The following PNPT1 variants were observed in gnomAD, a reference collection of about 807,000 sequenced individuals.
PNPT1 encodes polyribonucleotide nucleotidyltransferase 1, also known as polyribonucleotide nucleotidyltransferase 1, mitochondrial.
Under a neutral mutation model 119.5 loss-of-function variants are expected in PNPT1, and 53 were observed. The ratio of observed to expected loss-of-function variants is 0.44; its 90% CI spans 0.36 to 0.56. The LOEUF is 0.56. Among genes scored for constraint, PNPT1 ranks in the 20% least tolerant of loss-of-function variants. PNPT1 has a pLI of 0.00. For synonymous variants in PNPT1, 357 were observed against 322.1 expected, an observed-to-expected ratio of 1.11 and a Z score of -1.16; for missense variants, 948 against 938.5, an observed-to-expected ratio of 1.01 and a Z score of -0.13.
chr2:55,674,445 T>C (rs1456261993), intron 8 of PNPT1, among the ~76,000 whole-genome samples: 1 of 151,892 alleles, frequency 6.6e-6, no homozygotes, highest in African/African-American at 2.4e-5. Context: ...ATGAAAGAAT[T>C]AGCCAGGCAT....
intron 12 of PNPT1, among the ~76,000 whole-genome samples, chr2:55,667,472 T>C (rs997379810): frequency 7.9e-5 from 12 of 151,926 alleles, no homozygotes; most frequent in Non-Finnish European, 1.8e-4. Flanking sequence ...TGGGCACCTG[T>C]AGTCCCAGCT....
intron 18 of PNPT1, among the ~76,000 whole-genome samples, chr2:55,651,800 A>G (rs1246338740): frequency 6.6e-6 from 1 of 151,506 alleles, no homozygotes; most frequent in African/African-American, 2.4e-5. Flanking sequence ...TTAAAAAAAA[A>G]AAATCCTATT....
intron 8 of PNPT1, among the ~76,000 whole-genome samples, chr2:55,676,216 G>A (rs1166167309): frequency 1.6e-5 from 2 of 126,698 alleles, no homozygotes; most frequent in African/African-American, 6.3e-5. Context: ...CCGAGATTGC[G>A]CCACTGCACT....
intron 26 of PNPT1, 108 bp from the exon 27 acceptor site, chr2:55,637,707 CAGTT>C (rs890370055): frequency 7.2e-5 from 71 of 986,120 alleles, no homozygotes; most frequent in African/African-American, 2.6e-4. Context: ...TTAAAAAAAT[CAGTT>C]AGCGGCTGGG....
intron 20 of PNPT1, 42 bp from the exon 21 acceptor site, chr2:55,646,364 T>C (rs1371394506): frequency 5.1e-5 from 82 of 1,598,236 alleles, no homozygotes; most frequent in Non-Finnish European, 6.4e-5. Flanking sequence ...TATTGACTCA[T>C]GGCATTATTT....
At chr2:55,652,714 G>A (rs1696251525) in intron 18 of PNPT1, among the ~76,000 whole-genome samples, 1 of 152,150 alleles carries the variant, frequency 6.6e-6, no homozygotes, top group African/African-American at 2.4e-5. Context: ...AAACCGTAAA[G>A]CTGAATTATA....
chr2:55,663,666 G>T (rs1364997176), intron 13 of PNPT1, among the ~76,000 whole-genome samples: 1 of 152,102 alleles, frequency 6.6e-6, no homozygotes, highest in African/African-American at 2.4e-5. Context: ...CTTTTCATCA[G>T]AAAAACATGG....
In PNPT1 at chr2:55,642,829, A is replaced by T. The variant is rs548503951; in HGVS notation, c.2069+329T>A. 3.9e-5 allele frequency among the ~76,000 whole-genome samples: 6 copies of T among 151,956 alleles called. No individual in the cohort carries two copies. The South Asian group carries it at 6.2e-4, about 16-fold the overall frequency. ...TATAATAGGAATCTGTTAAAAACCA[A>T]AACAGGGCTGGGCACGGTGGCTCAT... is the stretch of plus-strand genomic sequence containing the variant. On this transcript the variant is annotated intron_variant, in intron 25 of 27. Transcript: ENST00000447944.
intron 1 of PNPT1, among the ~76,000 whole-genome samples, chr2:55,688,564 A>T: frequency 6.6e-6 from 1 of 152,062 alleles, no homozygotes; most frequent in Non-Finnish European, 1.5e-5. Flanking sequence ...ATCTCTACAA[A>T]AAATATCAAA....
chr2:55,658,032 G>A (rs1696446302), intron 15 of PNPT1, among the ~76,000 whole-genome samples: 1 of 151,936 alleles, frequency 6.6e-6, no homozygotes, highest in Admixed American at 6.6e-5. Context: ...GAGCCCAGGA[G>A]TTTGAGACCA....
intron 17 of PNPT1, 147 bp downstream of exon 17, chr2:55,655,984 G>A: frequency 1.0e-6 from 1 of 959,492 alleles, no homozygotes; most frequent in Non-Finnish European, 1.5e-6. Flanking sequence ...ATTAAGACAA[G>A]TATTTGATTA....
chr2:55,641,021 C>T (rs948170739), intron 25 of PNPT1, among the ~76,000 whole-genome samples: 3 of 152,016 alleles, frequency 2.0e-5, no homozygotes, highest in African/African-American at 7.2e-5. Context: ...GTCAAGAGAT[C>T]AACTCCACCC....
At chr2:55,666,193 G>A (rs1696724185) in intron 13 of PNPT1, among the ~76,000 whole-genome samples, 1 of 152,198 alleles carries the variant, frequency 6.6e-6, no homozygotes, top group African/African-American at 2.4e-5. Flanking sequence ...TGGGGGGCAG[G>A]AAGAAGGCAT....
In PNPT1 at chr2:55,654,902, G is replaced by T; in HGVS notation, c.1493C>A (p.Ser498Ter). The change falls in exon 18 of 28, where the codon TCA (serine) becomes TAA (stop). Residue 498 changes from serine (S) to a stop codon, truncating the protein, a stop_gained and splice_region_variant. Transcript: ENST00000447944. LOFTEE classifies it high-confidence loss of function. Reference sequence around the variant, plus strand: ...GTTTTGAGACATAATTCTTTTACCTGAATCCATTAATGCTAAACTTCCGCC... The same window carrying T: ...GTTTTGAGACATAATTCTTTTACCTTAATCCATTAATGCTAAACTTCCGCC... ...ACGGSLALMD[S>*]GVPISSAVAG... The T allele has an allele frequency of 6.2e-7, 1 of 1,612,556 alleles. No individual in the cohort carries two copies. The highest frequency in any genetic ancestry group is 1.1e-5 in the South Asian group (1 of 90,942).
rs1697405240 is a variant in PNPT1, at chr2:55,686,359, C to T, written c.297+11G>A. ...CCATATTACAGTTCAGATAAATCAG[C>T]AAATACTTACCACCAAAGGCATAAA... On this transcript the variant is annotated intron_variant, in intron 3 of 27. Transcript: ENST00000447944. 1.9e-6 allele frequency: 3 copies of T among 1,600,536 alleles called. No individual in the cohort carries two copies. Among genetic ancestry groups the T allele is most frequent in the Non-Finnish European group, 2.6e-6 (3 of 1,167,914 alleles).
At chr2:55,663,524 A>G (rs1696644503) in intron 13 of PNPT1, among the ~76,000 whole-genome samples, 1 of 152,240 alleles carries the variant, frequency 6.6e-6, no homozygotes, top group Admixed American at 6.5e-5. Context: ...GGCTCAGGAC[A>G]CTTTTAGCAG....
chr2:55,677,868 A>G (rs1318137934), intron 8 of PNPT1, among the ~76,000 whole-genome samples: 1 of 151,598 alleles, frequency 6.6e-6, no homozygotes, highest in Non-Finnish European at 1.5e-5. Context: ...GCCTCCCAGT[A>G]GCTGGGACTA....
At chr2:55,654,834 C>T in intron 18 of PNPT1, 66 bp downstream of exon 18, 1 of 1,336,220 alleles carries the variant, frequency 7.5e-7, no homozygotes, top group Non-Finnish European at 1.0e-6. Context: ...CCTTGGCCTC[C>T]CAAGGCTCAT....
intron 18 of PNPT1, among the ~76,000 whole-genome samples, chr2:55,654,403 T>C (rs782568): frequency 0.45 from 68,497 of 152,086 alleles, 16,358 homozygotes; most frequent in Non-Finnish European, 0.53. Flanking sequence ...CTTGTATAAA[T>C]CGACTGAAAG....
Sources: gnomAD v4.1 joint callset for allele counts (sites outside exome capture counted in the v4.1 genomes callset) on GRCh38, gnomAD v4.1.1 for gene constraint, MANE v1.5 for transcripts, NCBI Gene and HGNC (gene_info 2026-07-23, HGNC 2026-07-21) for gene names.